Variants in ATP2C1 observed in about 807,000 individuals in gnomAD.
The protein encoded by ATP2C1 is ATPase secretory pathway Ca2+ transporting 1.
Under a neutral mutation model 120.5 loss-of-function variants are expected in ATP2C1, and 31 were observed. The ratio of observed to expected loss-of-function variants is 0.26; its 90% CI spans 0.19 to 0.35. The LOEUF is 0.35. Ranked by LOEUF, ATP2C1 falls within the 10% of genes least tolerant of loss-of-function variation. ATP2C1 has a pLI of 1.00. For synonymous variants in ATP2C1, 351 were observed against 358.7 expected (o/e 0.98, Z 0.24); for missense variants, 731 against 1,107.5 (o/e 0.66, Z 4.83).
At chr3:130,945,589 C>T (rs2060116246) in intron 8 of ATP2C1, among the ~76,000 whole-genome samples, 1 of 144,292 alleles carries the variant, frequency 6.9e-6, no homozygotes, top group African/African-American at 2.6e-5. Context: ...TTGTTCAATT[C>T]CCACGTATGA....
chr3:130,894,149 T>TGGCC lies in ATP2C1; in HGVS notation c.-369_-368insGGCC. The TGGCC allele has an allele frequency of 5.6e-5, 39 of 694,762 alleles. No homozygotes were observed. The highest frequency in any genetic ancestry group is 1.4e-4 in the East Asian group (1 of 7,406). The allele number at this position is 694,762 out of a possible 1,614,324, so 43.0% of individuals were successfully genotyped here. A position where few individuals can be genotyped will look rare whatever the true frequency, so the allele number is the denominator to read the frequency against. ...ACGGGTCCCCTCACCTCCTCTTCTC[T>TGGCC]CCCCTCCCCGCCCGCCCTCTCTCCC... On this transcript the variant is annotated 5_prime_UTR_variant, in exon 1 of 28. Transcript: ENST00000510168. This position sits in a 1 kb window ranked among gnomAD's most constrained non-coding sequence, Gnocchi z 4.5.
At position 131,001,798 on chromosome 3, in the gene ATP2C1, GATTCCCA is replaced by G; in HGVS notation, c.*449_*455del. ...AGGCATTCTATTTGGTTTAGAAGTT[GATTCCCA>G]GGAGTGCCATATTTCAGCTACTGTA... is the stretch of plus-strand genomic sequence containing the variant. On this transcript the variant is annotated 3_prime_UTR_variant, in exon 28 of 28. Coordinates refer to ENST00000510168, the MANE Select transcript of ATP2C1 (RefSeq NM_001378687.1). 1 of 985,806 alleles carries G rather than the reference GATTCCCA, an allele frequency of 1.0e-6. No individual in the cohort carries two copies. Among genetic ancestry groups the G allele is most frequent in the Non-Finnish European group, 1.2e-6 (1 of 829,934 alleles). 61.1% of individuals were successfully genotyped at this position (985,806 alleles called of 1,614,324 possible).
In ATP2C1 at chr3:130,994,113, A is replaced by T. The variant is rs2062483791; in HGVS notation, c.2057+15A>T. ...CAAACCATAATGTAAGCTTTGTTTC[A>T]GTGAATGCCTATCAGAGAATCTTCC... On this transcript the variant is annotated intron_variant, in intron 22 of 27. Coordinates refer to ENST00000510168, the MANE Select transcript of ATP2C1 (RefSeq NM_001378687.1). 6.2e-7 allele frequency: 1 copy of T among 1,613,802 alleles called. No homozygotes were observed. The highest frequency in any genetic ancestry group is 1.7e-5 in the Admixed American group (1 of 60,006).
chr3:130,923,757 C>G (rs998319653), intron 2 of ATP2C1, among the ~76,000 whole-genome samples: 1 of 150,434 alleles, frequency 6.6e-6, no homozygotes, highest in Non-Finnish European at 1.5e-5. Context: ...ATCCCAGCTA[C>G]TTGGGAGGCT....
intron 1 of ATP2C1, among the ~76,000 whole-genome samples, chr3:130,871,878 CA>C (rs2068443135): frequency 6.6e-6 from 1 of 152,086 alleles, no homozygotes. Context: ...AAAAATTAGC[CA>C]GGCGTGCTGG....
intron 21 of ATP2C1, 97 bp downstream of exon 21, chr3:130,993,098 T>A: frequency 9.5e-7 from 1 of 1,056,328 alleles, no homozygotes; most frequent in Non-Finnish European, 1.4e-6. Flanking sequence ...AGCATCAAGG[T>A]CAGAAATACT....
At chr3:130,933,226 A>G (rs574518624) in intron 4 of ATP2C1, among the ~76,000 whole-genome samples, 21 of 151,806 alleles carry the variant, frequency 1.4e-4, no homozygotes, top group Middle Eastern at 3.4e-3. Context: ...AACTAAACAA[A>G]TAACAGTAAA....
intron 1 of ATP2C1, among the ~76,000 whole-genome samples, chr3:130,883,019 TCTTGTTA>T (rs944946625): frequency 2.4e-4 from 36 of 152,336 alleles, no homozygotes; most frequent in African/African-American, 8.4e-4. Flanking sequence ...ATGGCTTCAA[TCTTGTTA>T]CTTGTTACTG....
chr3:130,923,607 C>T (rs1344525548), intron 2 of ATP2C1, among the ~76,000 whole-genome samples: 2 of 151,884 alleles, frequency 1.3e-5, no homozygotes, highest in Non-Finnish European at 2.9e-5. Context: ...GTGGCTCACA[C>T]CTGTAATCCT....
intron 2 of ATP2C1, among the ~76,000 whole-genome samples, chr3:130,914,073 T>C (rs894186976): frequency 1.3e-5 from 2 of 152,156 alleles, no homozygotes; most frequent in South Asian, 2.1e-4. Context: ...TCCTCCTCCT[T>C]AGTACTCTTC....
chr3:130,934,602 CTGTT>C lies in ATP2C1; in HGVS notation c.235-14_235-11del. The stretch of plus-strand genomic sequence containing the variant: ...TCATGTACAAAACTGTGTTGAATTG[CTGTT>C]TGTTTTTACTTTCAGTTTAAAAATC... On this transcript the variant is annotated splice_polypyrimidine_tract_variant and intron_variant, in intron 4 of 27. Coordinates refer to ENST00000510168, the MANE Select transcript of ATP2C1 (RefSeq NM_001378687.1). 6.5e-7 allele frequency: 1 copy of C among 1,530,822 alleles called. No homozygotes were observed. The highest frequency in any genetic ancestry group is 9.0e-7 in the Non-Finnish European group (1 of 1,105,108). The allele number at this position is 1,530,822 out of a possible 1,614,324, so 94.8% of individuals were successfully genotyped here.
chr3:130,964,162 A>T, intron 13 of ATP2C1, 67 bp downstream of exon 13: 1 of 1,557,494 alleles, frequency 6.4e-7, no homozygotes, highest in Non-Finnish European at 8.8e-7. Context: ...GAATCATCTC[A>T]GAGTTTTACA....
chr3:130,958,109 C>G (rs1383156480), intron 11 of ATP2C1, among the ~76,000 whole-genome samples: 1 of 152,070 alleles, frequency 6.6e-6, no homozygotes, highest in African/African-American at 2.4e-5. Context: ...TACCATAAAC[C>G]ATTTCAAATT....
chr3:130,874,380 T>C (rs755590153), intron 1 of ATP2C1, among the ~76,000 whole-genome samples: 10 of 152,236 alleles, frequency 6.6e-5, no homozygotes, highest in Non-Finnish European at 1.2e-4. Context: ...TTTTTGGACA[T>C]CTTATTCTGT....
At chr3:130,902,849 T>C (rs2057927090) in intron 2 of ATP2C1, among the ~76,000 whole-genome samples, 1 of 152,008 alleles carries the variant, frequency 6.6e-6, no homozygotes, top group Non-Finnish European at 1.5e-5. Context: ...AGGTGTTGAA[T>C]GTTTCAGTGG....
intron 12 of ATP2C1, chr3:130,963,665 G>A (rs1448644475): frequency 2.7e-6 from 1 of 367,128 alleles, no homozygotes; most frequent in East Asian, 6.4e-5. Flanking sequence ...TTATAGATGA[G>A]GACAGTAAAC....
At chr3:130,962,349 A>C (rs1026350423) in intron 12 of ATP2C1, among the ~76,000 whole-genome samples, 1 of 152,014 alleles carries the variant, frequency 6.6e-6, no homozygotes, top group Non-Finnish European at 1.5e-5. Flanking sequence ...GTGGTTTTAG[A>C]AGTGTTGCAA....
chr3:130,850,600 A>C, exon 1 of ATP2C1: 1 of 328,342 alleles, frequency 3.0e-6, no homozygotes. Context: ...TGGGCATTGC[A>C]TTTCTGGACG....
chr3:130,959,725 T>C (rs1204246843), intron 12 of ATP2C1: 2 of 156,952 alleles, frequency 1.3e-5, no homozygotes, highest in African/African-American at 4.8e-5. Context: ...AACCAAGTGT[T>C]TGTATTTTCA....
Sources: gnomAD v4.1 joint callset for allele counts (sites outside exome capture counted in the v4.1 genomes callset) on GRCh38, gnomAD v4.1.1 for gene constraint, Gnocchi (gnomAD v3.1) non-coding constraint, MANE v1.5 for transcripts, NCBI Gene and HGNC (gene_info 2026-07-23, HGNC 2026-07-21) for gene names.